Variants in NECAB1 observed in about 807,000 individuals in gnomAD.
NECAB1 encodes N-terminal EF-hand calcium-binding protein 1.
NECAB1 carries 29 observed loss-of-function variants against 57.5 expected under a neutral mutation model. That is an observed-to-expected ratio of 0.50 (90% confidence interval 0.38 to 0.69). The LOEUF is 0.69. Ranked by LOEUF, NECAB1 falls within the 30% of genes least tolerant of loss-of-function variation. The probability of loss-of-function intolerance (pLI) is 0.00; values close to 1 mark genes in which losing one functional copy is unlikely to be tolerated. For missense variants in NECAB1, 372 were observed against 413.8 expected (o/e 0.90, Z 0.88); for synonymous variants, 142 against 147.7 (o/e 0.96, Z 0.28).
At chr8:90,792,493 C>A (rs1242141734) in intron 1 of NECAB1, among the ~76,000 whole-genome samples, 1 of 152,162 alleles carries the variant, frequency 6.6e-6, no homozygotes, top group Non-Finnish European at 1.5e-5. Context: ...CTTTTTACAG[C>A]GGTGGGAAAT....
intron 4 of NECAB1, 41 bp from the exon 5 acceptor site, chr8:90,880,992 A>C (rs1453067762): frequency 3.4e-6 from 5 of 1,455,414 alleles, no homozygotes; most frequent in Non-Finnish European, 4.7e-6. Flanking sequence ...ATGGTTACCT[A>C]AACTCAAATA....
chr8:90,818,735 T>C (rs1405820611), intron 2 of NECAB1, among the ~76,000 whole-genome samples: 3 of 152,000 alleles, frequency 2.0e-5, no homozygotes, highest in African/African-American at 7.2e-5. Flanking sequence ...GAGGGGAGAT[T>C]GATCCTCTTT....
chr8:90,846,763 G>A (rs1812567861), intron 3 of NECAB1, among the ~76,000 whole-genome samples: 1 of 152,204 alleles, frequency 6.6e-6, no homozygotes, highest in African/African-American at 2.4e-5. Context: ...AAGAAAGCAT[G>A]TGCAGGGGAA....
At chr8:90,842,170 T>C (rs1235566638) in intron 3 of NECAB1, among the ~76,000 whole-genome samples, 1 of 152,190 alleles carries the variant, frequency 6.6e-6, no homozygotes, top group East Asian at 1.9e-4. Flanking sequence ...CTGTATATCC[T>C]GCACATGTAC....
At chr8:90,813,177 G>T (rs1451045049) in intron 2 of NECAB1, 1 of 151,758 alleles carries the variant, frequency 6.6e-6, no homozygotes, top group Non-Finnish European at 1.5e-5. Context: ...GAAAGAGCGA[G>T]ACTCCGTCTC....
At chr8:90,855,067 T>C (rs1431795563) in intron 3 of NECAB1, among the ~76,000 whole-genome samples, 1 of 152,224 alleles carries the variant, frequency 6.6e-6, no homozygotes, top group African/African-American at 2.4e-5. Context: ...TTCTCTTGTT[T>C]GCAAACAAAC....
chr8:90,795,706 TCTCACACACACA>T (rs1410972604), intron 1 of NECAB1, among the ~76,000 whole-genome samples: 1 of 136,322 alleles, frequency 7.3e-6, no homozygotes, highest in Non-Finnish European at 1.5e-5. Context: ...ACCTCATCTC[TCTCACACACACA>T]CACACACACA....
chr8:90,955,112 T>TTTTATATATATATATATATATATA (rs1554578887), intron 12 of NECAB1, among the ~76,000 whole-genome samples: 2 of 70,816 alleles, frequency 2.8e-5, no homozygotes, highest in African/African-American at 9.4e-5. Context: ...GGTATATAAA[T>TTTTATATATATATATATATATATA]TATATATATA....
At chr8:90,880,020 A>G (rs1808808617) in intron 4 of NECAB1, among the ~76,000 whole-genome samples, 1 of 152,232 alleles carries the variant, frequency 6.6e-6, no homozygotes, top group African/African-American at 2.4e-5. Flanking sequence ...TCTGTACACT[A>G]ACTAATATAT....
intron 4 of NECAB1, among the ~76,000 whole-genome samples, chr8:90,877,960 A>G (rs1219271182): frequency 6.6e-6 from 1 of 151,902 alleles, no homozygotes; most frequent in African/African-American, 2.4e-5. Context: ...AGTCCTATTC[A>G]TCTGTTAACT....
intron 5 of NECAB1, among the ~76,000 whole-genome samples, chr8:90,892,423 A>G (rs570868982): frequency 1.2e-4 from 18 of 152,342 alleles, no homozygotes; most frequent in African/African-American, 4.1e-4. Flanking sequence ...TATCACATCT[A>G]TCAAATTTTC....
intron 8 of NECAB1, 59 bp downstream of exon 8, chr8:90,928,358 T>C (rs1253705684): frequency 7.6e-7 from 1 of 1,308,384 alleles, no homozygotes; most frequent in Non-Finnish European, 1.1e-6. Context: ...TTACCTAATA[T>C]TCCCCATTGC....
At chr8:90,947,586 A>G (rs1261361708) in intron 10 of NECAB1, among the ~76,000 whole-genome samples, 1 of 152,054 alleles carries the variant, frequency 6.6e-6, no homozygotes, top group Non-Finnish European at 1.5e-5. Context: ...TTTTTAGTAG[A>G]GACAGGGTTT....
chr8:90,913,554 T>C (rs1264094969), intron 5 of NECAB1, among the ~76,000 whole-genome samples: 1 of 152,210 alleles, frequency 6.6e-6, no homozygotes, highest in African/African-American at 2.4e-5. Flanking sequence ...GAGTTCTTTC[T>C]GCCAGTCTCT....
intron 6 of NECAB1, among the ~76,000 whole-genome samples, chr8:90,919,443 C>A (rs1232301329): frequency 6.6e-6 from 1 of 152,122 alleles, no homozygotes; most frequent in African/African-American, 2.4e-5. Flanking sequence ...AATTTTCAAC[C>A]ATGTGTTTAC....
Position 90,840,164 on chromosome 8 carries a change from G to A in NECAB1, c.233+15339G>A, listed in dbSNP as rs142265794. ...CAGTTTGCATAGGCAATACAGAATT[G>A]ACTTCACGGATTGAGTTAGACGTGA... On this transcript the variant is annotated intron_variant, in intron 3 of 12. Transcript: ENST00000417640. Among the ~76,000 whole-genome samples, 4 of 152,320 alleles carry A rather than the reference G, an allele frequency of 2.6e-5. No individual in the cohort carries two copies. The East Asian group carries it at 7.7e-4, about 29-fold the overall frequency.
chr8:90,953,082 C>T (rs1810952818), intron 12 of NECAB1, among the ~76,000 whole-genome samples: 1 of 152,150 alleles, frequency 6.6e-6, no homozygotes, highest in African/African-American at 2.4e-5. Context: ...TGTCTGTCAT[C>T]ACACCCATTT....
intron 5 of NECAB1, among the ~76,000 whole-genome samples, chr8:90,909,564 T>C (rs1417161439): frequency 6.6e-6 from 1 of 152,138 alleles, no homozygotes; most frequent in African/African-American, 2.4e-5. Flanking sequence ...AGACAATTTT[T>C]CCTGATACAA....
chr8:90,843,742 C>T (rs1812501341), intron 3 of NECAB1, among the ~76,000 whole-genome samples: 1 of 152,216 alleles, frequency 6.6e-6, no homozygotes, highest in Non-Finnish European at 1.5e-5. Context: ...CATTTTTGGA[C>T]AGCAGTACTT....
Sources: allele counts gnomAD v4.1 joint callset (sites outside exome capture counted in the v4.1 genomes callset), GRCh38; gene constraint gnomAD v4.1.1; transcripts MANE v1.5; gene names NCBI Gene and HGNC (gene_info 2026-07-23, HGNC 2026-07-21).